Variants in PSPC1 observed in about 807,000 individuals in gnomAD.
PSPC1 encodes paraspeckle protein 1.
A neutral mutation model predicts 51.6 loss-of-function variants in PSPC1; 14 were observed. That is an observed-to-expected ratio of 0.27 (90% CI 0.18 to 0.42). The LOEUF (loss-of-function observed/expected upper bound fraction) is 0.42, where lower values mean the gene tolerates loss of function less well. PSPC1 is among the 10% of genes least tolerant of loss of function. The pLI, the probability that PSPC1 is intolerant of heterozygous loss-of-function variation, is 1.00. For synonymous variants in PSPC1, 193 were observed against 231.9 expected, an observed-to-expected ratio of 0.83 and a Z score of 1.53; for missense variants, 406 against 701.1, an observed-to-expected ratio of 0.58 and a Z score of 4.75.
Position 19,695,215 on chromosome 13 carries a change from C to T in PSPC1, c.1159-17392G>A, listed in dbSNP as rs182227686. Among the ~76,000 whole-genome samples the T allele has an allele frequency of 2.0e-5, 3 of 152,288 alleles. No homozygotes were observed. In the East Asian group the frequency reaches 5.8e-4, roughly 29 times the overall value. ...CTATGAGATCTATATTTTCAGCCAA[C>T]CTAGGGAATATTTCATCCATTCATA... On this transcript the variant is annotated intron_variant and NMD_transcript_variant, in intron 6 of 7. Coordinates refer to the PSPC1 transcript ENST00000471658.
At chr13:19,760,710 C>T (rs1302754775) in intron 2 of PSPC1, among the ~76,000 whole-genome samples, 3 of 151,868 alleles carry the variant, frequency 2.0e-5, no homozygotes, top group African/African-American at 4.8e-5. Flanking sequence ...TAAAATTAGC[C>T]GGGCACAGTG....
intron 5 of PSPC1, among the ~76,000 whole-genome samples, chr13:19,735,299 G>A (rs1468430035): frequency 1.3e-5 from 2 of 152,090 alleles, no homozygotes; most frequent in Admixed American, 1.3e-4. Context: ...CGACAAGAAC[G>A]AAACTCTGTC....
rs1357985830 is a variant in PSPC1, at chr13:19,782,098, C to T, written c.372+288G>A. Among the ~76,000 whole-genome samples, 1 of 152,248 alleles carries T rather than the reference C, an allele frequency of 6.6e-6. No individual in the cohort carries two copies. The highest frequency in any genetic ancestry group is 3.2e-3 in the Middle Eastern group (1 of 316). On this transcript the variant is annotated intron_variant, in intron 1 of 8. Coordinates refer to ENST00000338910, the MANE Select transcript of PSPC1 (RefSeq NM_001354909.2). This position sits in a 1 kb window ranked among gnomAD's most constrained non-coding sequence, Gnocchi z 4.5. ...CTACCTGGACAGGGTGCACCATGCC[C>T]GATCCAGCGCAGGGCAGCAGGCCTG...
At chr13:19,748,391 A>G (rs564133613) in intron 4 of PSPC1, among the ~76,000 whole-genome samples, 14 of 152,352 alleles carry the variant, frequency 9.2e-5, no homozygotes, top group Admixed American at 3.3e-4. Flanking sequence ...GGATTCAACA[A>G]GCAATGTGAT....
At chr13:19,744,807 C>A (rs1324006238) in intron 4 of PSPC1, among the ~76,000 whole-genome samples, 1 of 152,166 alleles carries the variant, frequency 6.6e-6, no homozygotes, top group Non-Finnish European at 1.5e-5. Context: ...TTGTGATCCA[C>A]CCGCCTTGGC....
chr13:19,752,897 T>G (rs1407305610), intron 3 of PSPC1, among the ~76,000 whole-genome samples: 1 of 151,756 alleles, frequency 6.6e-6, no homozygotes, highest in Non-Finnish European at 1.5e-5. Context: ...TTCTTTTCAC[T>G]TTTAAGAATT....
At chr13:19,769,786 A>G (rs1888447731) in intron 2 of PSPC1, among the ~76,000 whole-genome samples, 2 of 152,102 alleles carry the variant, frequency 1.3e-5, no homozygotes, top group Non-Finnish European at 2.9e-5. Flanking sequence ...AAAAATAAAA[A>G]CACCAAGTGT....
At chr13:19,779,541 G>T (rs868740806) in intron 1 of PSPC1, among the ~76,000 whole-genome samples, 1 of 23,116 alleles carries the variant, frequency 4.3e-5, no homozygotes, top group African/African-American at 1.3e-4. Context: ...CAGCCGCCCC[G>T]TCCCGGAGGG....
intron 5 of PSPC1, among the ~76,000 whole-genome samples, chr13:19,733,555 G>T (rs754913082): frequency 1.1e-4 from 17 of 152,032 alleles, no homozygotes; most frequent in Non-Finnish European, 2.4e-4. Flanking sequence ...GAGGTCAGCA[G>T]TTCAAGACCA....
intron 6 of PSPC1, among the ~76,000 whole-genome samples, chr13:19,688,341 C>T (rs3742148): frequency 0.075 from 11,359 of 152,074 alleles, 1,472 homozygotes; most frequent in East Asian, 0.63. Flanking sequence ...CCTCCTGTCA[C>T]ACGATGCTCC....
rs1593543721 is a variant in PSPC1 at position 19,694,143 on chromosome 13, A to C, written c.1159-16320T>G. The stretch of plus-strand genomic sequence containing the variant: ...ATCTCAAAAAAAAAAAAAAAAAAAA[A>C]AAAAAAACCATATATATATATATAC... On this transcript the variant is annotated intron_variant and NMD_transcript_variant, in intron 6 of 7. Coordinates refer to the PSPC1 transcript ENST00000471658. 6.0e-5 allele frequency among the ~76,000 whole-genome samples: 3 copies of C among 49,654 alleles called. No homozygotes were observed. In the East Asian group the frequency reaches 2.2e-3, roughly 36 times the overall value. 32.6% of individuals were successfully genotyped at this position (49,654 alleles called of 152,430 possible). A position where few individuals can be genotyped will look rare whatever the true frequency, so the allele number is the denominator to read the frequency against.
intron 4 of PSPC1, among the ~76,000 whole-genome samples, chr13:19,748,475 T>G (rs9551993): frequency 1.3e-5 from 2 of 152,206 alleles, no homozygotes; most frequent in East Asian, 3.9e-4. Flanking sequence ...ACAAAAAAAC[T>G]CATGGGAAAT....
In PSPC1 at chr13:19,782,005, A is replaced by C. The variant is rs1890022882; in HGVS notation, c.372+381T>G. 6.6e-6 allele frequency among the ~76,000 whole-genome samples: 1 copy of C among 152,158 alleles called. No individual in the cohort carries two copies. ...TTTGCCTTGAAGAATTCTCACCCCA[A>C]AACGCTGCCCGCCCCTGTCCCCGGA... On this transcript the variant is annotated intron_variant, in intron 1 of 8. Coordinates refer to ENST00000338910, the MANE Select transcript of PSPC1 (RefSeq NM_001354909.2). The surrounding 1 kb of genome is among the most constrained non-coding windows in gnomAD (Gnocchi z 4.5).
chr13:19,724,871 C>T (rs138457613), intron 6 of PSPC1, among the ~76,000 whole-genome samples: 1,736 of 152,022 alleles, frequency 0.011, 33 homozygotes, highest in African/African-American at 0.038. Flanking sequence ...TGGTGGCGCA[C>T]GCCTGTAGTC....
At chr13:19,743,898 G>A (rs139353188) in intron 4 of PSPC1, among the ~76,000 whole-genome samples, 1,792 of 152,042 alleles carry the variant, frequency 0.012, 37 homozygotes, top group African/African-American at 0.039. Flanking sequence ...ACCTGAGGTC[G>A]GGAGTTGGAG....
intron 8 of PSPC1, 51 bp downstream of exon 8, chr13:19,705,611 C>G: frequency 3.8e-6 from 5 of 1,314,310 alleles, no homozygotes; most frequent in Non-Finnish European, 5.1e-6. Context: ...ATCCTTGATG[C>G]AGAAGTGTAC....
intron 5 of PSPC1, among the ~76,000 whole-genome samples, chr13:19,734,781 G>A (rs547278496): frequency 2.6e-5 from 4 of 151,896 alleles, no homozygotes; most frequent in African/African-American, 4.8e-5. Context: ...CAGCCTGGGC[G>A]AAAGAGCAAG....
At chr13:19,740,781 C>T (rs903826130) in intron 5 of PSPC1, among the ~76,000 whole-genome samples, 1 of 152,140 alleles carries the variant, frequency 6.6e-6, no homozygotes, top group African/African-American at 2.4e-5. Context: ...CTTACTTAAA[C>T]CTAAAAGATT....
chr13:19,707,689 A>G (rs1377819399), intron 7 of PSPC1, among the ~76,000 whole-genome samples: 1 of 152,182 alleles, frequency 6.6e-6, no homozygotes, highest in Non-Finnish European at 1.5e-5. Context: ...TCCTAACTAA[A>G]TAAGGACTCT....
Sources: allele counts gnomAD v4.1 joint callset (sites outside exome capture counted in the v4.1 genomes callset), GRCh38; gene constraint gnomAD v4.1.1; non-coding constraint Gnocchi (gnomAD v3.1); transcripts MANE v1.5; gene names NCBI Gene and HGNC (gene_info 2026-07-23, HGNC 2026-07-21).